PCDHA12: variants seen among roughly 807,000 people sequenced by gnomAD.
PCDHA12 encodes the protein protocadherin alpha 12.
A neutral mutation model predicts 60.0 loss-of-function variants in PCDHA12; 44 were observed. That is an observed-to-expected ratio of 0.73 (90% CI 0.58 to 0.94). PCDHA12 has a LOEUF of 0.94. PCDHA12 is among the 40% of genes least tolerant of loss of function. The pLI, the probability that PCDHA12 is intolerant of heterozygous loss-of-function variation, is 0.00. For missense variants in PCDHA12, 1,276 were observed against 1,239.7 expected, an observed-to-expected ratio of 1.03 and a Z score of -0.44; for synonymous variants, 569 against 553.0, an observed-to-expected ratio of 1.03 and a Z score of -0.40.
intron 1 of PCDHA12, among the ~76,000 whole-genome samples, chr5:140,978,640 G>T (rs1339340351): frequency 6.6e-6 from 1 of 152,252 alleles, no homozygotes; most frequent in African/African-American, 2.4e-5. Flanking sequence ...TCTCAAAGCA[G>T]ACTGTTCTTC....
chr5:140,941,214 C>CTTCTTTCTTT (rs1554214039), intron 1 of PCDHA12, among the ~76,000 whole-genome samples: 1 of 122,414 alleles, frequency 8.2e-6, no homozygotes, highest in Admixed American at 8.5e-5. Context: ...TTTCTTTCTT[C>CTTCTTTCTTT]CTTTCTTTCT....
intron 1 of PCDHA12, among the ~76,000 whole-genome samples, chr5:140,880,789 A>G (rs917582554): frequency 1.3e-5 from 2 of 152,230 alleles, no homozygotes; most frequent in African/African-American, 4.8e-5. Flanking sequence ...TAGAGGAGTA[A>G]TATAAATAGG....
chr5:140,988,184 GGT>G (rs2153871318), intron 3 of PCDHA12, among the ~76,000 whole-genome samples: 1 of 152,246 alleles, frequency 6.6e-6, no homozygotes, highest in East Asian at 1.9e-4. Flanking sequence ...AGTCCTGGGA[GGT>G]GTGTGCATAT....
In PCDHA12 at chr5:140,918,657, T is replaced by G. The variant is rs116489086; in HGVS notation, c.2367+40818T>G. Among the ~76,000 whole-genome samples, 1,219 of 152,370 alleles carry G rather than the reference T, an allele frequency of 8.0e-3. 6 individuals are homozygous for G. The highest frequency in any genetic ancestry group is 0.019 in the African/African-American group (787 of 41,596). ...CATAAATTGAAACCTAATTCTCATG[T>G]TGATGGTATGAAGAGGTGAGACCTT... On this transcript the variant is annotated intron_variant, in intron 1 of 3. Coordinates refer to ENST00000398631, the MANE Select transcript of PCDHA12 (RefSeq NM_018903.4).
chr5:140,926,928 G>T, intron 1 of PCDHA12: 1 of 1,574,878 alleles, frequency 6.3e-7, no homozygotes, highest in Non-Finnish European at 8.6e-7. Flanking sequence ...TATGTTTGTG[G>T]GTTTCCTGCG....
chr5:140,908,169 C>T (rs1361651305), intron 1 of PCDHA12, among the ~76,000 whole-genome samples: 2 of 152,192 alleles, frequency 1.3e-5, no homozygotes, highest in African/African-American at 4.8e-5. Context: ...TGTAGTGCTG[C>T]AGCTGTCCAC....
intron 3 of PCDHA12, among the ~76,000 whole-genome samples, chr5:140,997,720 G>A (rs973128921): frequency 3.3e-5 from 5 of 151,568 alleles, no homozygotes; most frequent in East Asian, 1.9e-4. Context: ...ACCTTTCTAC[G>A]TCAGTACATA....
chr5:140,916,563 G>A (rs2077621809), intron 1 of PCDHA12, among the ~76,000 whole-genome samples: 1 of 152,198 alleles, frequency 6.6e-6, no homozygotes, highest in African/African-American at 2.4e-5. Context: ...TGTCCAGGGT[G>A]TGTCTAGAAA....
intron 2 of PCDHA12, among the ~76,000 whole-genome samples, chr5:140,979,396 G>C (rs2096848299): frequency 6.6e-6 from 1 of 151,692 alleles, no homozygotes; most frequent in South Asian, 2.1e-4. Flanking sequence ...ATACATACAT[G>C]TTGTCTACCT....
Position 140,877,092 on chromosome 5 carries a change from C to G in PCDHA12, c.1620C>G (p.Ala540=), listed in dbSNP as rs200462899. The G allele has an allele frequency of 2.9e-5, 46 of 1,613,110 alleles. No homozygotes were observed. Among genetic ancestry groups the G allele is most frequent in the African/African-American group, 6.7e-5 (5 of 74,894 alleles). ...LLQFQVSARD[A]GVPPLGSNVT... ...AGTTCCAGGTGAGCGCGCGCGACGC[C>G]GGCGTGCCGCCTCTGGGCAGCAACG... The change falls in exon 1 of 4, where the codon GCC becomes GCG. Residue 540 remains alanine, a synonymous_variant. Coordinates refer to ENST00000398631, the MANE Select transcript of PCDHA12 (RefSeq NM_018903.4).
intron 3 of PCDHA12, among the ~76,000 whole-genome samples, chr5:141,005,884 T>G (rs1554260408): frequency 6.6e-6 from 1 of 151,862 alleles, no homozygotes; most frequent in Non-Finnish European, 1.5e-5. Flanking sequence ...GAGTTTGAGG[T>G]TACATCAAGC....
At chr5:140,992,332 A>G (rs1554252819) in intron 3 of PCDHA12, among the ~76,000 whole-genome samples, 1 of 152,202 alleles carries the variant, frequency 6.6e-6, no homozygotes, top group African/African-American at 2.4e-5. Context: ...TCTAAGAGCA[A>G]AGATGGAAAT....
chr5:140,883,091 G>T, intron 1 of PCDHA12: 1 of 1,614,112 alleles, frequency 6.2e-7, no homozygotes, highest in Non-Finnish European at 8.5e-7. Context: ...TGGTACAAAT[G>T]GAGATATAGT....
intron 3 of PCDHA12, among the ~76,000 whole-genome samples, chr5:140,993,386 A>C (rs1435793353): frequency 6.6e-6 from 1 of 151,354 alleles, no homozygotes; most frequent in Non-Finnish European, 1.5e-5. Flanking sequence ...GGGTCCCTGA[A>C]ACTCCATCAT....
At chr5:140,976,310 G>A (rs1216220776) in intron 1 of PCDHA12, among the ~76,000 whole-genome samples, 1 of 152,036 alleles carries the variant, frequency 6.6e-6, no homozygotes, top group African/African-American at 2.4e-5. Context: ...CAGCACTTTG[G>A]GAGGCCGAGG....
intron 3 of PCDHA12, among the ~76,000 whole-genome samples, chr5:140,994,234 C>A (rs1285846864): frequency 4.6e-5 from 7 of 152,146 alleles, no homozygotes; most frequent in South Asian, 2.1e-4. Flanking sequence ...ATGTTATAAT[C>A]AATTCAAACC....
At chr5:140,942,445 A>G (rs1323056710) in intron 1 of PCDHA12, among the ~76,000 whole-genome samples, 5 of 152,016 alleles carry the variant, frequency 3.3e-5, no homozygotes, top group Non-Finnish European at 7.4e-5. Context: ...AAACAAGTAA[A>G]CTATCAATTA....
intron 3 of PCDHA12, among the ~76,000 whole-genome samples, chr5:140,992,572 G>T (rs1441448703): frequency 2.0e-5 from 3 of 152,148 alleles, no homozygotes; most frequent in Non-Finnish European, 4.4e-5. Flanking sequence ...AACACATATT[G>T]CCTGCCTTGT....
At chr5:140,989,747 G>A (rs1554251066) in intron 3 of PCDHA12, among the ~76,000 whole-genome samples, 1 of 152,166 alleles carries the variant, frequency 6.6e-6, no homozygotes, top group African/African-American at 2.4e-5. Flanking sequence ...TGCCTAATCT[G>A]GAGAAACATA....
Sources: gnomAD v4.1 joint callset for allele counts (sites outside exome capture counted in the v4.1 genomes callset) on GRCh38, gnomAD v4.1.1 for gene constraint, MANE v1.5 for transcripts, NCBI Gene and HGNC (gene_info 2026-07-23, HGNC 2026-07-21) for gene names.